ST7: variants seen among roughly 807,000 people sequenced by gnomAD.
ST7 encodes suppression of tumorigenicity 7.
A neutral mutation model predicts 78.7 loss-of-function variants in ST7; 28 were observed. The observed-to-expected ratio is 0.36, with a 90% CI of 0.26 to 0.49. ST7 has a LOEUF of 0.49. ST7 is among the 20% of genes least tolerant of loss of function. The pLI is 0.99. For synonymous variants in ST7, 247 were observed against 249.6 expected (o/e 0.99, Z 0.10); for missense variants, 418 against 696.0 (o/e 0.60, Z 4.49).
chr7:117,221,669 G>T (rs1793101467), intron 14 of ST7, among the ~76,000 whole-genome samples: 1 of 152,138 alleles, frequency 6.6e-6, no homozygotes, highest in Non-Finnish European at 1.5e-5. Flanking sequence ...TCCCATGAAG[G>T]CGTGACACCC....
intron 1 of ST7, among the ~76,000 whole-genome samples, chr7:117,018,656 T>G (rs1002728989): frequency 6.6e-6 from 1 of 152,214 alleles, no homozygotes; most frequent in Non-Finnish European, 1.5e-5. Context: ...CAGTATATCA[T>G]TCACCACCTG....
intron 9 of ST7, among the ~76,000 whole-genome samples, chr7:117,149,721 T>C (rs1806106591): frequency 1.3e-5 from 2 of 152,042 alleles, no homozygotes; most frequent in Admixed American, 1.3e-4. Context: ...TTACTGTGTC[T>C]TTCCTCCTTT....
intron 7 of ST7, among the ~76,000 whole-genome samples, chr7:117,134,938 T>C (rs1028773024): frequency 1.3e-5 from 2 of 152,078 alleles, no homozygotes; most frequent in African/African-American, 4.8e-5. Flanking sequence ...GATTAACTAG[T>C]AGCCCCAGCC....
intron 12 of ST7, chr7:117,198,611 G>A (rs915160426): frequency 8.5e-6 from 2 of 235,074 alleles, no homozygotes; most frequent in Admixed American, 1.1e-4. Flanking sequence ...TCTGAGCCTG[G>A]TACCATCCTT....
intron 1 of ST7, among the ~76,000 whole-genome samples, chr7:117,039,182 A>T (rs754791219): frequency 1.1e-4 from 17 of 152,090 alleles, no homozygotes; most frequent in Non-Finnish European, 1.9e-4. Flanking sequence ...CTTAGGATAC[A>T]TTCCTGGAAC....
chr7:117,212,122 G>A (rs1287536637), intron 13 of ST7, among the ~76,000 whole-genome samples: 1 of 152,232 alleles, frequency 6.6e-6, no homozygotes, highest in African/African-American at 2.4e-5. Flanking sequence ...AAAGAGGACT[G>A]TGGAAGTGCT....
At chr7:117,187,039 A>T (rs1323174049) in intron 10 of ST7, among the ~76,000 whole-genome samples, 1 of 152,196 alleles carries the variant, frequency 6.6e-6, no homozygotes, top group African/African-American at 2.4e-5. Flanking sequence ...ACCAAAACCT[A>T]TTTGAACAAC....
At chr7:117,016,421 C>T (rs1355508648) in intron 1 of ST7, among the ~76,000 whole-genome samples, 1 of 152,140 alleles carries the variant, frequency 6.6e-6, no homozygotes, top group Non-Finnish European at 1.5e-5. Flanking sequence ...TAAATTTGTA[C>T]CTCCTCCCAC....
At chr7:117,080,783 A>G (rs1799713126) in intron 1 of ST7, 1 of 152,236 alleles carries the variant, frequency 6.6e-6, no homozygotes, top group African/African-American at 2.4e-5. Flanking sequence ...GCATTTAGGT[A>G]CTTAAATATT....
At chr7:116,965,331 C>T (rs1241850804) in intron 1 of ST7, among the ~76,000 whole-genome samples, 2 of 140,430 alleles carry the variant, frequency 1.4e-5, no homozygotes, top group Non-Finnish European at 1.5e-5. Context: ...CTGAGTGAGA[C>T]TCCGTCTCAA....
At chr7:117,115,198 A>T (rs745318097) in intron 2 of ST7, among the ~76,000 whole-genome samples, 1 of 152,084 alleles carries the variant, frequency 6.6e-6, no homozygotes, top group Non-Finnish European at 1.5e-5. Flanking sequence ...ACCTCCACTG[A>T]GATCAGTGTC....
At chr7:117,164,565 G>A (rs1807396164) in intron 9 of ST7, among the ~76,000 whole-genome samples, 1 of 152,150 alleles carries the variant, frequency 6.6e-6, no homozygotes, top group East Asian at 1.9e-4. Flanking sequence ...CACACAGGTA[G>A]TTAATGGCAG....
At chr7:117,079,968 CTTTTTTTTTTTTTTTTTTTT>C (rs34326752) in intron 1 of ST7, among the ~76,000 whole-genome samples, 4 of 65,410 alleles carry the variant, frequency 6.1e-5, no homozygotes, top group African/African-American at 1.1e-4. Context: ...TTTGTCATTC[CTTTTTTTTTTTTTTTTTTTT>C]TTTTTTTTTT....
In ST7 at chr7:117,056,107, G is replaced by A. The variant is rs549429126; in HGVS notation, c.152-43655G>A. Reference sequence around the variant, plus strand: ...ATTAGATTGTACCCACCAGATTAAGGGTGAGTCTGCCTTCTCAAGCCCACT... The same window carrying A: ...ATTAGATTGTACCCACCAGATTAAGAGTGAGTCTGCCTTCTCAAGCCCACT... On this transcript the variant is annotated intron_variant, in intron 1 of 15. Transcript: ENST00000323984. Among the ~76,000 whole-genome samples, 8 of 152,130 alleles carry A rather than the reference G, an allele frequency of 5.3e-5. No individual in the cohort carries two copies. In the South Asian group the frequency reaches 1.7e-3, roughly 32 times the overall value.
intron 1 of ST7, chr7:116,972,961 G>T: frequency 1.0e-6 from 1 of 987,150 alleles, no homozygotes; most frequent in Non-Finnish European, 1.6e-6. Context: ...TCCTCTGCTT[G>T]GTGTTGCAGC....
intron 1 of ST7, among the ~76,000 whole-genome samples, chr7:116,983,779 G>A (rs73210178): frequency 0.21 from 31,974 of 152,034 alleles, 4,360 homozygotes; most frequent in Middle Eastern, 0.33. Flanking sequence ...TGTAGGAAGG[G>A]GAAGACAAAG....
intron 2 of ST7, among the ~76,000 whole-genome samples, chr7:117,105,521 A>G (rs915345705): frequency 3.9e-5 from 6 of 152,164 alleles, no homozygotes; most frequent in African/African-American, 7.2e-5. Context: ...GGCTCAAGCA[A>G]TACTCTTCCT....
At chr7:117,021,061 T>C (rs1795880457) in intron 1 of ST7, among the ~76,000 whole-genome samples, 1 of 152,210 alleles carries the variant, frequency 6.6e-6, no homozygotes, top group Non-Finnish European at 1.5e-5. Flanking sequence ...TTATATACTC[T>C]TCCATATTTT....
intron 1 of ST7, among the ~76,000 whole-genome samples, chr7:117,005,968 A>C (rs1189858134): frequency 6.6e-6 from 1 of 152,214 alleles, no homozygotes; most frequent in Non-Finnish European, 1.5e-5. Context: ...AATACTAATA[A>C]ATAATGCTAG....
Sources: gnomAD v4.1 joint callset for allele counts (sites outside exome capture counted in the v4.1 genomes callset) on GRCh38, gnomAD v4.1.1 for gene constraint, MANE v1.5 for transcripts, NCBI Gene and HGNC (gene_info 2026-07-23, HGNC 2026-07-21) for gene names.